The following LCN15 variants were observed in gnomAD, a reference collection of about 807,000 sequenced individuals.
The protein encoded by LCN15 is lipocalin 15.
LCN15 carries 26 observed loss-of-function variants against 23.1 expected under a neutral mutation model. The ratio of observed to expected loss-of-function variants is 1.13; its 90% CI spans 0.82 to 1.56. The LOEUF (loss-of-function observed/expected upper bound fraction) is 1.56. Among genes scored for constraint, LCN15 ranks in the 40% most tolerant of loss-of-function variants. The pLI, the probability that LCN15 is intolerant of heterozygous loss-of-function variation, is 0.00. For synonymous variants in LCN15, 107 were observed against 98.3 expected (o/e 1.09, Z -0.52); for missense variants, 241 against 239.5 (o/e 1.01, Z -0.04).
At chr9:136,763,492 C>T (rs757874795) in intron 3 of LCN15, 25 bp from the exon 4 acceptor site, 1 of 1,533,662 alleles carries the variant, frequency 6.5e-7, no homozygotes, top group Non-Finnish European at 8.9e-7. Flanking sequence ...GCGGCCTTTT[C>T]AGGCTGGAGA....
At chr9:136,762,136 G>A in intron 5 of LCN15, 52 bp downstream of exon 5, 3 of 1,069,288 alleles carry the variant, frequency 2.8e-6, no homozygotes, top group Non-Finnish European at 4.0e-6. Context: ...GGGCTCATGG[G>A]AAGGGAGGGA....
rs753103217 is a variant in LCN15, at chr9:136,763,472, G to C, written c.308-5C>G. 6.3e-7 allele frequency: 1 copy of C among 1,587,624 alleles called. No individual in the cohort carries two copies. The highest frequency in any genetic ancestry group is 1.3e-5 in the African/African-American group (1 of 74,368). On this transcript the variant is annotated splice_polypyrimidine_tract_variant and splice_region_variant and intron_variant, in intron 3 of 6. Coordinates refer to ENST00000316144, the MANE Select transcript of LCN15 (RefSeq NM_203347.2). ...GCACGTCCAGGTAGCCCAAGGCTGC[G>C]GAGAGGCAGGCGGCCTTTTCAGGCT...
rs560526487 is a variant in LCN15 at position 136,762,343 on chromosome 9, G to A, written c.419-54C>T. On this transcript the variant is annotated intron_variant, in intron 4 of 6. Transcript: ENST00000316144. ...CAGCAGCTCACAGGAGTGCAGCACG[G>A]GGTCTCCTGGCCTCACTCCACCAGC... 3 of 1,043,712 alleles carry A rather than the reference G, an allele frequency of 2.9e-6. No individual in the cohort carries two copies. In the African/African-American group the frequency reaches 4.7e-5, roughly 17 times the overall value. The allele number at this position is 1,043,712 out of a possible 1,614,324, so 64.7% of individuals were successfully genotyped here. A position where few individuals can be genotyped will look rare whatever the true frequency, so the allele number is the denominator to read the frequency against.
At chr9:136,762,505 C>T (rs1405498353) in intron 4 of LCN15, among the ~76,000 whole-genome samples, 2 of 152,150 alleles carry the variant, frequency 1.3e-5, no homozygotes, top group East Asian at 3.9e-4. Context: ...GGTGGTCTGG[C>T]TGTCCTCCTG....
chr9:136,763,293 CG>C, intron 4 of LCN15, 63 bp downstream of exon 4: 4 of 672,906 alleles, frequency 5.9e-6, no homozygotes, highest in South Asian at 3.0e-5. Context: ...GTAGGCAGAA[CG>C]GGGGGCGGGG....
chr9:136,764,346 A>T (rs987252636), intron 1 of LCN15, 47 bp downstream of exon 1: 2 of 1,538,056 alleles, frequency 1.3e-6, no homozygotes, highest in Admixed American at 1.8e-5. Context: ...TGTCTCTGGC[A>T]GGGGCCCAGC....
At position 136,760,239 on chromosome 9, in the gene LCN15, T is replaced by G. The variant is rs946812705; in HGVS notation, c.*33-456A>C. Among the ~76,000 whole-genome samples, 26 of 152,246 alleles carry G rather than the reference T, an allele frequency of 1.7e-4. 1 individual carries two copies. The highest frequency in any genetic ancestry group is 2.4e-5 in the African/African-American group (1 of 41,464). Reference sequence around the variant, plus strand: ...AAGATCATGGCGGGATGGGGCTACATGTTCTGCCCACAGAACCTTCTGGAC... The same window carrying G: ...AAGATCATGGCGGGATGGGGCTACAGGTTCTGCCCACAGAACCTTCTGGAC... On this transcript the variant is annotated intron_variant, in intron 6 of 6. Transcript: ENST00000316144.
chr9:136,763,346 C>G lies in LCN15; in HGVS notation c.418+11G>C. 2 of 1,455,802 alleles carry G rather than the reference C, an allele frequency of 1.4e-6. No individual in the cohort carries two copies. Among genetic ancestry groups the G allele is most frequent in the Non-Finnish European group, 1.9e-6 (2 of 1,071,848 alleles). The allele number at this position is 1,455,802 out of a possible 1,614,324, so 90.2% of individuals were successfully genotyped here. ...GAGGGGCCAGTGCGGGGAGGTGGGA[C>G]AGGCACTCACTGTAGAGCTGCACCA... On this transcript the variant is annotated intron_variant, in intron 4 of 6. Coordinates refer to ENST00000316144, the MANE Select transcript of LCN15 (RefSeq NM_203347.2).
chr9:136,762,089 C>T, intron 5 of LCN15, 99 bp downstream of exon 5: 3 of 837,560 alleles, frequency 3.6e-6, no homozygotes, highest in Non-Finnish European at 5.5e-6. Flanking sequence ...CCACCTGCTG[C>T]CCGCACACTG....
chr9:136,762,118 G>A, intron 5 of LCN15, 70 bp downstream of exon 5: 1 of 1,009,388 alleles, frequency 9.9e-7, no homozygotes, highest in Non-Finnish European at 1.5e-6. Context: ...GTGAGGGGAA[G>A]GAAGGGTGGG....
intron 4 of LCN15, 83 bp downstream of exon 4, chr9:136,763,274 G>A: frequency 2.7e-6 from 2 of 735,496 alleles, no homozygotes; most frequent in Non-Finnish European, 4.2e-6. Flanking sequence ...GCAGGCGGGC[G>A]GGGCGGGGGT....
chr9:136,760,525 GGCCAGTGTCCCTCCAGAC>G lies in LCN15; in HGVS notation c.*33-760_*33-743del, dbSNP rs578192296. On this transcript the variant is annotated intron_variant, in intron 6 of 6. Transcript: ENST00000316144. ...CACCTCCTCCCGCCATGCCAGGAAG[GGCCAGTGTCCCTCCAGAC>G]GCCGGTGACTGTCACGTCAGACACG... is the stretch of plus-strand genomic sequence containing the variant. Among the ~76,000 whole-genome samples the G allele has an allele frequency of 1.7e-3, 252 of 152,322 alleles. 1 individual carries two copies. Among genetic ancestry groups the G allele is most frequent in the African/African-American group, 5.8e-3 (243 of 41,574 alleles).
Position 136,761,815 on chromosome 9 carries a change from G to T in LCN15, c.*4C>A. On this transcript the variant is annotated 3_prime_UTR_variant, in exon 6 of 7. Coordinates refer to ENST00000316144, the MANE Select transcript of LCN15 (RefSeq NM_203347.2). This position sits in a 1 kb window ranked among gnomAD's most constrained non-coding sequence, Gnocchi z 4.2. ...GGAAGGGCGGGGGTGGGGCTCCGGA[G>T]GTGTCAGGGCGCCTCCTTGCTCTCA... 1.5e-6 allele frequency: 2 copies of T among 1,293,794 alleles called. No individual in the cohort carries two copies. The allele number at this position is 1,293,794 out of a possible 1,614,324, so 80.1% of individuals were successfully genotyped here.
chr9:136,763,807 T>G, intron 2 of LCN15, 24 bp from the exon 3 acceptor site: 1 of 1,613,250 alleles, frequency 6.2e-7, no homozygotes, highest in South Asian at 1.1e-5. Flanking sequence ...GCCGGCTCAC[T>G]CATGGCACCC....
intron 4 of LCN15, 78 bp from the exon 5 acceptor site, chr9:136,762,367 G>GC: frequency 1.2e-6 from 1 of 828,726 alleles, no homozygotes; most frequent in Non-Finnish European, 2.0e-6. Flanking sequence ...CACTCCACCA[G>GC]CCTGAGGGCT....
At position 136,764,499 on chromosome 9, in the gene LCN15, G is replaced by A. The variant is rs1385045334; in HGVS notation, c.-11C>T. Reference sequence around the variant, plus strand: ...CAGGAATGACATCATCCCCTCCCCTGCCCTCCAGCCCCTGGTGCTGAGTCC... The same window carrying A: ...CAGGAATGACATCATCCCCTCCCCTACCCTCCAGCCCCTGGTGCTGAGTCC... On this transcript the variant is annotated 5_prime_UTR_variant, in exon 1 of 7. Transcript: ENST00000316144. The A allele has an allele frequency of 1.9e-6, 3 of 1,606,012 alleles. No individual in the cohort carries two copies. Among genetic ancestry groups the A allele is most frequent in the African/African-American group, 1.3e-5 (1 of 74,752 alleles).
At chr9:136,762,597 C>A (rs1358287180) in intron 4 of LCN15, among the ~76,000 whole-genome samples, 1 of 152,102 alleles carries the variant, frequency 6.6e-6, no homozygotes, top group African/African-American at 2.4e-5. Context: ...GGGGAGTCCC[C>A]AGGAGTTAAA....
Position 136,759,705 on chromosome 9 carries a change from GATGGAGAGACTC to G in LCN15, c.*99_*110del, listed in dbSNP as rs972078348. The G allele has an allele frequency of 2.0e-5, 3 of 152,234 alleles. No homozygotes were observed. The highest frequency in any genetic ancestry group is 6.5e-5 in the Admixed American group (1 of 15,284). 9.4% of individuals were successfully genotyped at this position (152,234 alleles called of 1,614,324 possible). A position where few individuals can be genotyped will look rare whatever the true frequency, so the allele number is the denominator to read the frequency against. ...GGCATCCCACAGGCGGGGGGTGGAGGATGGAGAGACTCCAGGTGGTCCCCGAGGGCTGTGGGT... is the reference window on the plus strand; with the variant it reads ...GGCATCCCACAGGCGGGGGGTGGAGGCAGGTGGTCCCCGAGGGCTGTGGGT... On this transcript the variant is annotated 3_prime_UTR_variant, in exon 7 of 7. Coordinates refer to ENST00000316144, the MANE Select transcript of LCN15 (RefSeq NM_203347.2).
intron 6 of LCN15, among the ~76,000 whole-genome samples, chr9:136,760,355 C>A (rs1025361217): frequency 4.6e-5 from 7 of 151,016 alleles, no homozygotes; most frequent in African/African-American, 9.7e-5. Context: ...GCTGAACAGC[C>A]CCAGTGTCCC....
Sources: allele counts gnomAD v4.1 joint callset (sites outside exome capture counted in the v4.1 genomes callset), GRCh38; gene constraint gnomAD v4.1.1; non-coding constraint Gnocchi (gnomAD v3.1); transcripts MANE v1.5; gene names NCBI Gene and HGNC (gene_info 2026-07-23, HGNC 2026-07-21).